Variants in ZNF575 observed in about 807,000 individuals in gnomAD.
ZNF575 encodes the protein zinc finger protein 575.
Under a neutral mutation model 17.5 loss-of-function variants are expected in ZNF575, and 17 were observed. That is an observed-to-expected ratio of 0.97 (90% CI 0.66 to 1.45). The LOEUF (loss-of-function observed/expected upper bound fraction) is 1.45. Ranked by LOEUF, ZNF575 falls within the 40% of genes most tolerant of loss-of-function variation. The probability of loss-of-function intolerance (pLI) is 0.00; values close to 1 mark genes in which losing one functional copy is unlikely to be tolerated. For missense variants in ZNF575, 352 were observed against 359.2 expected (o/e 0.98, Z 0.16); for synonymous variants, 146 against 158.3 (o/e 0.92, Z 0.58).
chr19:43,534,871 G>C (rs1245611866), intron 3 of ZNF575, among the ~76,000 whole-genome samples, 158 bp from the exon 4 acceptor site: 5 of 152,120 alleles, frequency 3.3e-5, no homozygotes, highest in Non-Finnish European at 7.4e-5. Context: ...GGGGGGAGGG[G>C]GGAGCAGAAA....
In ZNF575 at chr19:43,535,564, CGGCAGCCAGGCGACTGCCT is replaced by C. The variant is rs1568507746; in HGVS notation, c.620_638del (p.Ser207ThrfsTer50). ...TATGTCACGACCCCCCAACCGCGCC[CGGCAGCCAGGCGACTGCCT>C]GGCACCGATGCTCCAGCTGCGGCCA... On this transcript the variant is annotated frameshift_variant, in exon 4 of 4. Coordinates refer to ENST00000314228, the MANE Select transcript of ZNF575 (RefSeq NM_174945.3). LOFTEE classifies it high-confidence loss of function. 6.2e-7 allele frequency: 1 copy of C among 1,613,914 alleles called. No individual in the cohort carries two copies.
upstream of ZNF575, chr19:43,531,786 A>T (rs985127859): frequency 1.0e-5 from 7 of 670,446 alleles, no homozygotes; most frequent in Non-Finnish European, 1.9e-5. Flanking sequence ...TAATTATTTT[A>T]AAAACTTTTT....
Position 43,535,515 on chromosome 19 carries a change from C to T in ZNF575, c.566C>T (p.Pro189Leu), listed in dbSNP as rs1265695011. 14 of 1,613,876 alleles carry T rather than the reference C, an allele frequency of 8.7e-6. No homozygotes were observed. The highest frequency in any genetic ancestry group is 1.0e-5 in the Non-Finnish European group (12 of 1,179,960). ...CATTGCCCCAAGGCTTTCTCATTTC[C>T]CTCCAAGCTGGCCGCCCATCGCCTA... is the stretch of plus-strand genomic sequence containing the variant. ...CPHCPKAFSF[P>L]SKLAAHRLCH... Residue 189 changes from proline (P) to leucine (L), a missense_variant, in exon 4 of 4, where the codon CCC becomes CTC. Coordinates refer to ENST00000314228, the MANE Select transcript of ZNF575 (RefSeq NM_174945.3).
At chr19:43,533,187 T>A (rs1972364131), upstream of ZNF575, 1 of 152,182 alleles carries the variant, frequency 6.6e-6, no homozygotes, top group Non-Finnish European at 1.5e-5. Flanking sequence ...GTCGATACGG[T>A]AGCTTCGCGC....
chr19:43,532,059 C>T (rs1972352313), upstream of ZNF575, among the ~76,000 whole-genome samples: 1 of 149,392 alleles, frequency 6.7e-6, no homozygotes, highest in Non-Finnish European at 1.5e-5. Context: ...GACGGAGTCT[C>T]ACTCTGTTGC....
At position 43,534,421 on chromosome 19, in the gene ZNF575, A is replaced by G. The variant is rs1369942190; in HGVS notation, c.-2A>G. ...CTGCCCCTAGGTTCCTGTGCCAGCA[A>G]GATGCTGGAGCGAGGCGCGGAGTCC... On this transcript the variant is annotated 5_prime_UTR_variant, in exon 3 of 4. Transcript: ENST00000314228. The G allele has an allele frequency of 6.4e-7, 1 of 1,558,898 alleles. No individual in the cohort carries two copies. The highest frequency in any genetic ancestry group is 8.7e-7 in the Non-Finnish European group (1 of 1,153,906).
At chr19:43,532,269 T>C (rs979517427), upstream of ZNF575, among the ~76,000 whole-genome samples, 4 of 152,100 alleles carry the variant, frequency 2.6e-5, no homozygotes, top group African/African-American at 9.7e-5. Flanking sequence ...CGTCAGGTGA[T>C]CCGTCCACCT....
In ZNF575 at chr19:43,534,432, C is replaced by G. The variant is rs1309793734; in HGVS notation, c.10C>G (p.Arg4Gly). The G allele has an allele frequency of 1.3e-6, 2 of 1,557,126 alleles. No individual in the cohort carries two copies. Among genetic ancestry groups the G allele is most frequent in the Non-Finnish European group, 8.7e-7 (1 of 1,153,178 alleles). The stretch of plus-strand genomic sequence containing the variant: ...TTCCTGTGCCAGCAAGATGCTGGAG[C>G]GAGGCGCGGAGTCCGCGGCCGGGGC... MLE[R>G]GAESAAGATD... The change falls in exon 3 of 4, where the codon CGA (arginine) becomes GGA (glycine). Residue 4 changes from arginine to glycine, a missense_variant. Arg to Gly is a moderately radical substitution (Grantham distance 125, BLOSUM62 -2). Coordinates refer to ENST00000314228, the MANE Select transcript of ZNF575 (RefSeq NM_174945.3).
upstream of ZNF575, among the ~76,000 whole-genome samples, chr19:43,530,941 G>A (rs948883501): frequency 6.6e-6 from 1 of 152,098 alleles, no homozygotes; most frequent in Non-Finnish European, 1.5e-5. Flanking sequence ...CTGGTCTTCT[G>A]GCTTCTACTC....
upstream of ZNF575, among the ~76,000 whole-genome samples, chr19:43,530,883 A>G (rs1407491639): frequency 2.7e-5 from 4 of 150,772 alleles, no homozygotes; most frequent in Non-Finnish European, 5.9e-5. Context: ...CCAGTGTATA[A>G]TAAGTGCTAG....
rs1357265502 is a variant in ZNF575, at chr19:43,535,645, A to G, written c.696A>G (p.Gln232=). 5 of 1,612,976 alleles carry G rather than the reference A, an allele frequency of 3.1e-6. No homozygotes were observed. Among genetic ancestry groups the G allele is most frequent in the Non-Finnish European group, 4.2e-6 (5 of 1,179,768 alleles). Residue 232 remains glutamine (Q), a synonymous_variant, in exon 4 of 4, where the codon CAA becomes CAG. Coordinates refer to ENST00000314228, the MANE Select transcript of ZNF575 (RefSeq NM_174945.3). ...FGQRRLLLLH[Q]RSHHQVEHKG... ...AGAGACGCTTACTGCTCCTTCATCA[A>G]CGCAGCCACCACCAGGTGGAGCACA...
chr19:43,535,754 A>C lies in ZNF575; in HGVS notation c.*67A>C. 2 of 1,483,740 alleles carry C rather than the reference A, an allele frequency of 1.3e-6. No homozygotes were observed. Among genetic ancestry groups the C allele is most frequent in the Non-Finnish European group, 1.8e-6 (2 of 1,111,824 alleles). 91.9% of individuals were successfully genotyped at this position (1,483,740 alleles called of 1,614,324 possible). A position where few individuals can be genotyped will look rare whatever the true frequency, so the allele number is the denominator to read the frequency against. The stretch of plus-strand genomic sequence containing the variant: ...GCCAGTAAGAGGTGGGATTTCTAAG[A>C]CCGACTGTATGAGCTCGCCTCTTCC... On this transcript the variant is annotated 3_prime_UTR_variant, in exon 4 of 4. Transcript: ENST00000314228.
chr19:43,531,123 A>AC (rs1380507469), upstream of ZNF575, among the ~76,000 whole-genome samples: 1 of 143,226 alleles, frequency 7.0e-6, no homozygotes, highest in East Asian at 2.0e-4. Flanking sequence ...TACCAAAAAT[A>AC]CAAAAAAAAA....
At position 43,535,765 on chromosome 19, in the gene ZNF575, G is replaced by C; in HGVS notation, c.*78G>C. ...GTGGGATTTCTAAGACCGACTGTAT[G>C]AGCTCGCCTCTTCCAGATAGCTGGC... On this transcript the variant is annotated 3_prime_UTR_variant, in exon 4 of 4. Transcript: ENST00000314228. 6.9e-7 allele frequency: 1 copy of C among 1,449,714 alleles called. No individual in the cohort carries two copies. Among genetic ancestry groups the C allele is most frequent in the Non-Finnish European group, 9.2e-7 (1 of 1,091,234 alleles). The allele number at this position is 1,449,714 out of a possible 1,614,324, so 89.8% of individuals were successfully genotyped here. A position where few individuals can be genotyped will look rare whatever the true frequency, so the allele number is the denominator to read the frequency against.
At chr19:43,531,767 A>G (rs1972347153), upstream of ZNF575, 1 of 653,622 alleles carries the variant, frequency 1.5e-6, no homozygotes, top group African/African-American at 1.8e-5. Context: ...AATACTGGTC[A>G]TGAGTGAATA....
chr19:43,531,589 AG>A (rs1468836703), upstream of ZNF575, among the ~76,000 whole-genome samples: 2 of 98,126 alleles, frequency 2.0e-5, no homozygotes, highest in African/African-American at 7.3e-5. Flanking sequence ...CTCAAAAAAA[AG>A]AGAGAGAGAG....
chr19:43,535,469 GC>G lies in ZNF575; in HGVS notation c.523del (p.Arg175AlafsTer88). The G allele has an allele frequency of 1.3e-6, 2 of 1,588,350 alleles. No individual in the cohort carries two copies. The highest frequency in any genetic ancestry group is 1.7e-6 in the Non-Finnish European group (2 of 1,165,504). ...CCGCCACACGCACCACGCCACCGAC[GC>G]CCGCCCCTATCCTTGCCCGCATTGC... ...AHRHTHHATD[A>X]RPYPCPHCPK... is the part of the protein sequence containing the mutation. On this transcript the variant is annotated frameshift_variant, in exon 4 of 4. Transcript: ENST00000314228. LOFTEE classifies it high-confidence loss of function.
At chr19:43,531,707 C>A, upstream of ZNF575, 1 of 486,618 alleles carries the variant, frequency 2.1e-6, no homozygotes. Flanking sequence ...TGATGTTTGA[C>A]ATTTAGCTTC....
rs1161945001 is a variant in ZNF575, at chr19:43,535,198, A to T, written c.249A>T (p.Leu83Phe). The change falls in exon 4 of 4, where the codon TTA (leucine) becomes TTT (phenylalanine). Residue 83 changes from leucine to phenylalanine, a missense_variant. Coordinates refer to ENST00000314228, the MANE Select transcript of ZNF575 (RefSeq NM_174945.3). Reference sequence around the variant, plus strand: ...CGTCCAAGCTGGCCACGCACCGCTTAGCACACGGAGGCGCCCGACCCCACC... The same window carrying T: ...CGTCCAAGCTGGCCACGCACCGCTTTGCACACGGAGGCGCCCGACCCCACC... ...SYPSKLATHR[L>F]AHGGARPHPC... 6.2e-7 allele frequency: 1 copy of T among 1,609,494 alleles called. No homozygotes were observed. Among genetic ancestry groups the T allele is most frequent in the East Asian group, 2.2e-5 (1 of 44,704 alleles).
Sources: gnomAD v4.1 joint callset for allele counts (sites outside exome capture counted in the v4.1 genomes callset) on GRCh38, gnomAD v4.1.1 for gene constraint, MANE v1.5 for transcripts, NCBI Gene and HGNC (gene_info 2026-07-23, HGNC 2026-07-21) for gene names.